Variants in DTWD2 observed in about 807,000 individuals in gnomAD.
DTWD2 encodes DTW motif tRNA-uridine aminocarboxypropyltransferase 2.
DTWD2 carries 39 observed loss-of-function variants against 31.8 expected under a neutral mutation model. The observed-to-expected ratio is 1.22, with a 90% CI of 0.95 to 1.60. DTWD2 has a LOEUF of 1.60. Among genes scored for constraint, DTWD2 ranks in the 40% most tolerant of loss-of-function variants. The pLI is 0.00. For synonymous variants in DTWD2, 180 were observed against 142.8 expected, an observed-to-expected ratio of 1.26 and a Z score of -1.86; for missense variants, 515 against 381.5, an observed-to-expected ratio of 1.35 and a Z score of -2.92.
At chr5:118,928,495 T>A (rs1388380333) in intron 4 of DTWD2, 42 bp downstream of exon 4, 1 of 1,302,194 alleles carries the variant, frequency 7.7e-7, no homozygotes, top group Admixed American at 2.7e-5. Flanking sequence ...ATATACCTAA[T>A]TATATATTTA....
intron 3 of DTWD2, among the ~76,000 whole-genome samples, chr5:118,936,331 G>C (rs1044819347): frequency 6.6e-6 from 1 of 152,074 alleles, no homozygotes; most frequent in Non-Finnish European, 1.5e-5. Flanking sequence ...TTGAGGCCAG[G>C]AGTTCAAGAC....
intron 1 of DTWD2, among the ~76,000 whole-genome samples, chr5:118,979,481 T>C (rs2149603139): frequency 1.3e-5 from 2 of 152,312 alleles, no homozygotes; most frequent in Middle Eastern, 6.8e-3. Context: ...AGAAATATCA[T>C]GTGACCTAGT....
At chr5:118,923,694 A>C (rs913475942) in intron 4 of DTWD2, among the ~76,000 whole-genome samples, 6 of 151,858 alleles carry the variant, frequency 4.0e-5, no homozygotes, top group African/African-American at 1.2e-4. Flanking sequence ...ATAAACTTCA[A>C]CTCCTACTCT....
chr5:118,876,392 T>C (rs191216071), intron 4 of DTWD2, among the ~76,000 whole-genome samples: 5 of 151,558 alleles, frequency 3.3e-5, no homozygotes, highest in Admixed American at 6.6e-5. Context: ...AAACCGTGAA[T>C]TGAAGGAGAC....
At chr5:118,973,971 G>A (rs1434192506) in intron 1 of DTWD2, 2 of 1,585,992 alleles carry the variant, frequency 1.3e-6, no homozygotes, top group African/African-American at 2.7e-5. Context: ...GAGGAAGAAG[G>A]TGGGGAGGAA....
At chr5:118,866,528 C>T (rs890228191) in intron 4 of DTWD2, among the ~76,000 whole-genome samples, 1 of 152,018 alleles carries the variant, frequency 6.6e-6, no homozygotes, top group Non-Finnish European at 1.5e-5. Flanking sequence ...TAATACTCTA[C>T]AAGGAAACAC....
intron 3 of DTWD2, among the ~76,000 whole-genome samples, chr5:118,930,701 A>T (rs1198794149): frequency 2.0e-5 from 3 of 152,230 alleles, no homozygotes; most frequent in African/African-American, 7.2e-5. Context: ...ACATGTTACA[A>T]CCTTGAAAAC....
chr5:118,933,868 G>C (rs1171526913), intron 3 of DTWD2, among the ~76,000 whole-genome samples: 1 of 147,842 alleles, frequency 6.8e-6, no homozygotes, highest in Non-Finnish European at 1.5e-5. Context: ...GAAAAGTCCA[G>C]GGAACTGACC....
At chr5:118,965,038 A>G (rs299197) in intron 1 of DTWD2, among the ~76,000 whole-genome samples, 64,529 of 145,010 alleles carry the variant, frequency 0.44, 14,887 homozygotes, top group East Asian at 0.93. Flanking sequence ...TGTGGGGAGC[A>G]CCTCTGCCCC....
intron 1 of DTWD2, among the ~76,000 whole-genome samples, chr5:118,969,351 G>A (rs563211006): frequency 6.6e-6 from 1 of 152,310 alleles, no homozygotes; most frequent in African/African-American, 2.4e-5. Flanking sequence ...CTTTAAGCAG[G>A]TCCCTGATCC....
chr5:118,876,861 T>A (rs1752632652), intron 4 of DTWD2, among the ~76,000 whole-genome samples: 1 of 152,124 alleles, frequency 6.6e-6, no homozygotes, highest in Non-Finnish European at 1.5e-5. Context: ...GAGGGACTCC[T>A]CCCAAACTCA....
chr5:118,967,702 A>G (rs1033777892), intron 1 of DTWD2, among the ~76,000 whole-genome samples: 2 of 152,272 alleles, frequency 1.3e-5, no homozygotes, highest in African/African-American at 4.8e-5. Flanking sequence ...AACTGAATAA[A>G]TAAATAAATG....
intron 4 of DTWD2, among the ~76,000 whole-genome samples, chr5:118,889,880 A>T (rs966677177): frequency 8.1e-4 from 123 of 152,250 alleles, no homozygotes; most frequent in African/African-American, 2.9e-3. Flanking sequence ...AAAACTCAAG[A>T]TCCTCTGGCT....
At chr5:118,979,430 T>C (rs994196095) in intron 1 of DTWD2, among the ~76,000 whole-genome samples, 2 of 152,232 alleles carry the variant, frequency 1.3e-5, no homozygotes, top group African/African-American at 4.8e-5. Flanking sequence ...AGTTCAACCA[T>C]TGTGGAAGAT....
chr5:118,968,210 AG>A (rs1754897861), intron 1 of DTWD2, among the ~76,000 whole-genome samples: 1 of 152,108 alleles, frequency 6.6e-6, no homozygotes, highest in African/African-American at 2.4e-5. Flanking sequence ...AAAAAAAAAA[AG>A]AAAAACCTAA....
chr5:118,950,623 G>A (rs149299302), intron 1 of DTWD2, among the ~76,000 whole-genome samples: 7 of 152,266 alleles, frequency 4.6e-5, no homozygotes, highest in East Asian at 1.9e-4. Context: ...GAGGAATCCC[G>A]GGCTGCAGGC....
intron 4 of DTWD2, among the ~76,000 whole-genome samples, chr5:118,882,505 T>A (rs1752763955): frequency 6.6e-6 from 1 of 152,210 alleles, no homozygotes; most frequent in Admixed American, 6.5e-5. Flanking sequence ...AACCCACATT[T>A]CCCTTCTGCA....
At chr5:118,853,730 A>T (rs977700870) in intron 4 of DTWD2, among the ~76,000 whole-genome samples, 2 of 152,186 alleles carry the variant, frequency 1.3e-5, no homozygotes, top group African/African-American at 4.8e-5. Flanking sequence ...GGACCCACAG[A>T]CACAGAGGGG....
At chr5:118,874,446 G>C (rs1219806588) in intron 4 of DTWD2, among the ~76,000 whole-genome samples, 1 of 152,106 alleles carries the variant, frequency 6.6e-6, no homozygotes, top group East Asian at 1.9e-4. Context: ...CCCAATGCAA[G>C]GAAGCTAAAA....
Sources: gnomAD v4.1 joint callset for allele counts (sites outside exome capture counted in the v4.1 genomes callset) on GRCh38, gnomAD v4.1.1 for gene constraint, MANE v1.5 for transcripts, NCBI Gene and HGNC (gene_info 2026-07-23, HGNC 2026-07-21) for gene names.